The following EPS8L3 variants were observed in gnomAD, a reference collection of about 807,000 sequenced individuals.
EPS8L3 encodes EPS8 signaling adaptor L3, also known as epidermal growth factor receptor kinase substrate 8-like protein 3.
Under a neutral mutation model 88.5 loss-of-function variants are expected in EPS8L3, and 80 were observed. The observed-to-expected ratio is 0.90, with a 90% CI of 0.75 to 1.09. The LOEUF (loss-of-function observed/expected upper bound fraction) is 1.09, where lower values mean the gene tolerates loss of function less well. Ranked by LOEUF, EPS8L3 falls within the 50% of genes least tolerant of loss-of-function variation. The pLI, the probability that EPS8L3 is intolerant of heterozygous loss-of-function variation, is 0.00. For missense variants in EPS8L3, 721 were observed against 735.2 expected, an observed-to-expected ratio of 0.98 and a Z score of 0.22; for synonymous variants, 286 against 291.0, an observed-to-expected ratio of 0.98 and a Z score of 0.18.
chr1:109,759,656 TG>T lies in EPS8L3; in HGVS notation c.255+21del. 1 of 1,611,382 alleles carries T rather than the reference TG, an allele frequency of 6.2e-7. No individual in the cohort carries two copies. The highest frequency in any genetic ancestry group is 8.5e-7 in the Non-Finnish European group (1 of 1,179,202). ...CCCCACAGCCCAGGCTGGCTATCAC[TG>T]GGTTTGCTGGGAAGGCTGACCTTGG... On this transcript the variant is annotated intron_variant, in intron 4 of 18. Transcript: ENST00000361965. This position sits in a 1 kb window ranked among gnomAD's most constrained non-coding sequence, Gnocchi z 4.2.
rs746630715 is a variant in EPS8L3, at chr1:109,750,756, C to A, written c.1674G>T (p.Gln558His). ...VRTLGSLTGS[Q>H]LLRIRPGELQ... ...GCTCCCCAGGTCTTATGCGAAGTAG[C>A]TGGCTCCCCGTCAGGGACCCAAGTG... The change falls in exon 18 of 19, where the codon CAG becomes CAT. Residue 558 changes from glutamine to histidine, a missense_variant. Gln to His is a conservative substitution (Grantham distance 24, BLOSUM62 0). Transcript: ENST00000361965. 6.2e-7 allele frequency: 1 copy of A among 1,614,222 alleles called. No homozygotes were observed. The highest frequency in any genetic ancestry group is 1.7e-5 in the Admixed American group (1 of 60,028).
chr1:109,759,655 C>T lies in EPS8L3; in HGVS notation c.255+23G>A, dbSNP rs1357141134. The T allele has an allele frequency of 1.2e-6, 2 of 1,611,054 alleles. No homozygotes were observed. Among genetic ancestry groups the T allele is most frequent in the Non-Finnish European group, 1.7e-6 (2 of 1,179,060 alleles). On this transcript the variant is annotated intron_variant, in intron 4 of 18. Transcript: ENST00000361965. This position sits in a 1 kb window ranked among gnomAD's most constrained non-coding sequence, Gnocchi z 4.2. The stretch of plus-strand genomic sequence containing the variant: ...TCCCCACAGCCCAGGCTGGCTATCA[C>T]TGGGTTTGCTGGGAAGGCTGACCTT...
At position 109,752,732 on chromosome 1, in the gene EPS8L3, A is replaced by G. The variant is rs1465946653; in HGVS notation, c.1201-12T>C. ...TATCCTAAGGGTGCCTGTAAGGGAC[A>G]GAACAGAGAGTGAGTAAGAGCAGGA... is the stretch of plus-strand genomic sequence containing the variant. On this transcript the variant is annotated splice_polypyrimidine_tract_variant and intron_variant, in intron 13 of 18. Coordinates refer to ENST00000361965, the MANE Select transcript of EPS8L3 (RefSeq NM_133181.4). 6.4e-7 allele frequency: 1 copy of G among 1,551,814 alleles called. No individual in the cohort carries two copies. The highest frequency in any genetic ancestry group is 2.0e-5 in the Admixed American group (1 of 51,018).
intron 17 of EPS8L3, 99 bp from the exon 18 acceptor site, chr1:109,750,891 G>A: frequency 7.5e-6 from 11 of 1,460,120 alleles, no homozygotes; most frequent in Non-Finnish European, 1.0e-5. Flanking sequence ...GGAGGTTGGG[G>A]TTACAGAAAA....
Position 109,751,277 on chromosome 1 carries a change from C to T in EPS8L3, c.1637+1G>A, listed in dbSNP as rs762268782. ...CATATCCTGTAGGGCCAGGCACTCA[C>T]GCAGTGGAGAAGTTCTCTGCCTGCA... is the stretch of plus-strand genomic sequence containing the variant. On this transcript the variant is annotated splice_donor_variant, in intron 17 of 18. Transcript: ENST00000361965. LOFTEE classifies it high-confidence loss of function. 1.2e-5 allele frequency: 19 copies of T among 1,613,434 alleles called. No individual in the cohort carries two copies. The highest frequency in any genetic ancestry group is 4.0e-5 in the African/African-American group (3 of 74,908).
At chr1:109,751,374 A>G (rs1649775256) in intron 16 of EPS8L3, 23 bp from the exon 17 acceptor site, 8 of 1,609,270 alleles carry the variant, frequency 5.0e-6, no homozygotes, top group African/African-American at 4.0e-5. Context: ...GGAACCAGGG[A>G]TCAGAGTCCA....
intron 12 of EPS8L3, among the ~76,000 whole-genome samples, chr1:109,755,905 C>T (rs1322240221): frequency 6.6e-6 from 1 of 152,256 alleles, no homozygotes; most frequent in Non-Finnish European, 1.5e-5. Flanking sequence ...CTAAAGCCTT[C>T]TCTCTTGGTT....
At position 109,758,661 on chromosome 1, in the gene EPS8L3, G is replaced by T; in HGVS notation, c.464C>A (p.Pro155His). ...KALEEELEQR[P>H]RLGGLQPGQD... ...GCCTGGCTGAAGGCCTCCAAGTCGA[G>T]GTCTGCTGAGGACATGGTAGGGGCC... Residue 155 changes from proline (P) to histidine (H), a missense_variant and splice_region_variant, in exon 7 of 19, where the codon CCT becomes CAT. Physicochemically the swap from Pro to His is moderately conservative, Grantham distance 77 (BLOSUM62 -2). Transcript: ENST00000361965. The T allele has an allele frequency of 6.3e-7, 1 of 1,576,778 alleles. No individual in the cohort carries two copies. The highest frequency in any genetic ancestry group is 2.3e-5 in the East Asian group (1 of 44,398).
intron 3 of EPS8L3, 82 bp downstream of exon 3, chr1:109,761,413 G>T: frequency 8.0e-7 from 1 of 1,245,644 alleles, no homozygotes; most frequent in Non-Finnish European, 1.1e-6. Flanking sequence ...TGTGTGAAGT[G>T]TCCATGTTCT....
Position 109,758,566 on chromosome 1 carries a change from C to G in EPS8L3, c.559G>C (p.Gly187Arg). Residue 187 changes from glycine to arginine, a missense_variant, in exon 7 of 19, where the codon GGG becomes CGG. By Grantham distance (125) the Gly-to-Arg change is moderately radical. Transcript: ENST00000361965. Reference protein sequence around the residue: ...PMEQARYLEPGIPPEQPHQRT... With the variant: ...PMEQARYLEPRIPPEQPHQRT... ...TGGTGGGGCTGTTCTGGAGGGATCC[C>G]CGGCTCCAGATAGCGTGCCTGCTCC... The G allele has an allele frequency of 6.2e-7, 1 of 1,613,076 alleles. No homozygotes were observed. Among genetic ancestry groups the G allele is most frequent in the Non-Finnish European group, 8.5e-7 (1 of 1,179,390 alleles).
chr1:109,750,881 G>A (rs1488156361), intron 17 of EPS8L3, 89 bp from the exon 18 acceptor site: 19 of 1,507,504 alleles, frequency 1.3e-5, no homozygotes, highest in East Asian at 2.4e-5. Flanking sequence ...CTTTGGGCTC[G>A]GAGGTTGGGG....
In EPS8L3 at chr1:109,758,350, C is replaced by A. The variant is rs773474367; in HGVS notation, c.683G>T (p.Arg228Leu). Residue 228 changes from arginine to leucine, a missense_variant, in exon 8 of 19, where the codon CGG becomes CTG. By Grantham distance (102) the Arg-to-Leu change is moderately radical. Transcript: ENST00000361965. ...CTCTGGGTCCTCGGGGGAAGAGGAC[C>A]GCCTTGGAGGAGGCAGAGTAAAGGC... is the stretch of plus-strand genomic sequence containing the variant. ...PSAFTLPPPR[R>L]SSSPEDPERD... 3 of 1,613,618 alleles carry A rather than the reference C, an allele frequency of 1.9e-6. No individual in the cohort carries two copies. Among genetic ancestry groups the A allele is most frequent in the African/African-American group, 1.3e-5 (1 of 75,016 alleles).
intron 1 of EPS8L3, among the ~76,000 whole-genome samples, chr1:109,763,459 TA>T (rs1443645752): frequency 2.0e-5 from 3 of 152,120 alleles, no homozygotes; most frequent in Non-Finnish European, 4.4e-5. Flanking sequence ...AAAGATTCCC[TA>T]CCCCAGGGAG....
At chr1:109,751,888 T>C in intron 15 of EPS8L3, 106 bp from the exon 16 acceptor site, 2 of 1,572,534 alleles carry the variant, frequency 1.3e-6, no homozygotes, top group South Asian at 2.4e-5. Flanking sequence ...CTTCTCCCTC[T>C]CTAGGCCACC....
chr1:109,760,685 T>A (rs915277995), intron 3 of EPS8L3, among the ~76,000 whole-genome samples: 10 of 152,120 alleles, frequency 6.6e-5, no homozygotes, highest in Non-Finnish European at 1.3e-4. Flanking sequence ...CTCGGCTGGC[T>A]AGGGGAGCTC....
chr1:109,756,902 T>C (rs1334638392), intron 12 of EPS8L3, 115 bp downstream of exon 12: 3 of 1,348,486 alleles, frequency 2.2e-6, no homozygotes, highest in Admixed American at 1.8e-5. Flanking sequence ...GTCCCCCAAG[T>C]AGCTCTGAAA....
intron 1 of EPS8L3, among the ~76,000 whole-genome samples, chr1:109,762,874 G>A (rs149183982): frequency 2.0e-3 from 300 of 152,344 alleles, no homozygotes; most frequent in Non-Finnish European, 2.9e-3. Flanking sequence ...TGGGCTGTGC[G>A]CAGTCACAGA....
At chr1:109,753,672 A>G (rs1275396665) in intron 12 of EPS8L3, among the ~76,000 whole-genome samples, 2 of 152,120 alleles carry the variant, frequency 1.3e-5, no homozygotes, top group African/African-American at 4.8e-5. Context: ...GCTCCTGTTG[A>G]CTGACTCTGG....
At chr1:109,752,379 A>G (rs1212177819) in intron 14 of EPS8L3, 186 bp from the exon 15 acceptor site, 2 of 631,260 alleles carry the variant, frequency 3.2e-6, no homozygotes, top group South Asian at 2.1e-5. Flanking sequence ...CTGAAATGTC[A>G]TTGATTTCTG....
Sources: gnomAD v4.1 joint callset for allele counts (sites outside exome capture counted in the v4.1 genomes callset) on GRCh38, gnomAD v4.1.1 for gene constraint, Gnocchi (gnomAD v3.1) non-coding constraint, MANE v1.5 for transcripts, NCBI Gene and HGNC (gene_info 2026-07-23, HGNC 2026-07-21) for gene names.